SGCD: variants seen among roughly 807,000 people sequenced by gnomAD.
The protein encoded by SGCD is sarcoglycan delta, also known as delta-sarcoglycan.
In SGCD, 18 loss-of-function variants were observed where a neutral mutation model predicts 36.6. The observed-to-expected ratio is 0.49, with a 90% CI of 0.34 to 0.73. The LOEUF (loss-of-function observed/expected upper bound fraction) is 0.73, where lower values mean the gene tolerates loss of function less well. Ranked by LOEUF, SGCD falls within the 30% of genes least tolerant of loss-of-function variation. SGCD has a pLI of 0.01. For missense variants in SGCD, 387 were observed against 346.7 expected (o/e 1.12, Z -0.92); for synonymous variants, 133 against 130.6 (o/e 1.02, Z -0.12).
Position 156,154,536 on chromosome 5 carries a change from C to T in SGCD, c.-44+30517C>T, listed in dbSNP as rs562686387. 2.6e-5 allele frequency among the ~76,000 whole-genome samples: 4 copies of T among 151,818 alleles called. No individual in the cohort carries two copies. The South Asian group carries it at 8.3e-4, about 31-fold the overall frequency. On this transcript the variant is annotated intron_variant, in intron 3 of 9. Transcript: ENST00000517913. Reference sequence around the variant, plus strand: ...CCCTTACCAGCTTTTTGTCATGATGCATTTTATCAATCAGTAATAGCAATG... The same window carrying T: ...CCCTTACCAGCTTTTTGTCATGATGTATTTTATCAATCAGTAATAGCAATG...
chr5:156,261,121 T>C (rs1030512213), intron 3 of SGCD, among the ~76,000 whole-genome samples: 1 of 152,184 alleles, frequency 6.6e-6, no homozygotes, highest in Non-Finnish European at 1.5e-5. Context: ...TTTTCTTTAA[T>C]CTTTTGTAGT....
chr5:156,245,222 T>C (rs1765411655), intron 3 of SGCD, among the ~76,000 whole-genome samples: 1 of 152,168 alleles, frequency 6.6e-6, no homozygotes, highest in African/African-American at 2.4e-5. Flanking sequence ...ATCTTAACAA[T>C]TGTCCTATCA....
chr5:156,574,755 T>C (rs148018569), intron 4 of SGCD, among the ~76,000 whole-genome samples: 306 of 152,332 alleles, frequency 2.0e-3, no homozygotes, highest in African/African-American at 6.9e-3. Flanking sequence ...CCAGTCTCTA[T>C]GTAGTTGTTT....
At chr5:156,402,457 C>T (rs1050031889) in intron 3 of SGCD, among the ~76,000 whole-genome samples, 1 of 152,134 alleles carries the variant, frequency 6.6e-6, no homozygotes, top group Non-Finnish European at 1.5e-5. Context: ...AGAGATGATT[C>T]AGCGCAGACT....
chr5:156,251,255 A>G lies in SGCD; in HGVS notation c.-43-78279A>G, dbSNP rs1765569903. ...TTATCAGTGACTAAAGATAATCTGGAAACATTTTGGTTGCAAAATAATTGT... is the reference window on the plus strand; with the variant it reads ...TTATCAGTGACTAAAGATAATCTGGGAACATTTTGGTTGCAAAATAATTGT... On this transcript the variant is annotated intron_variant, in intron 3 of 9. Coordinates refer to the SGCD transcript ENST00000517913. Among the ~76,000 whole-genome samples, 8 of 152,204 alleles carry G rather than the reference A, an allele frequency of 5.3e-5. No individual in the cohort carries two copies. The South Asian group carries it at 1.7e-3, about 31-fold the overall frequency.
At chr5:155,930,882 T>C (rs975967835) in intron 1 of SGCD, among the ~76,000 whole-genome samples, 1 of 152,218 alleles carries the variant, frequency 6.6e-6, no homozygotes, top group Non-Finnish European at 1.5e-5. Context: ...AAAGGTCACA[T>C]TTGAATGGGA....
At chr5:156,320,349 T>C (rs890703193) in intron 3 of SGCD, among the ~76,000 whole-genome samples, 11 of 152,214 alleles carry the variant, frequency 7.2e-5, no homozygotes, top group African/African-American at 2.4e-4. Context: ...AACTATGGAG[T>C]GCCTATCATG....
At chr5:156,709,731 G>A (rs1051275684) in intron 7 of SGCD, among the ~76,000 whole-genome samples, 6 of 152,110 alleles carry the variant, frequency 3.9e-5, no homozygotes, top group South Asian at 4.2e-4. Flanking sequence ...GGAAAGAAAC[G>A]TGGGTTTGAA....
intron 7 of SGCD, among the ~76,000 whole-genome samples, chr5:156,698,215 T>A (rs1038266875): frequency 1.3e-5 from 2 of 152,162 alleles, no homozygotes; most frequent in African/African-American, 2.4e-5. Flanking sequence ...TCAGATGGAA[T>A]GACCCACACT....
At chr5:155,907,141 C>T (rs1201253278) in intron 1 of SGCD, among the ~76,000 whole-genome samples, 2 of 151,930 alleles carry the variant, frequency 1.3e-5, no homozygotes, top group Non-Finnish European at 2.9e-5. Context: ...ACAGCAAAGC[C>T]TAGCTTACAG....
At chr5:156,723,202 C>T (rs1177531622) in intron 7 of SGCD, among the ~76,000 whole-genome samples, 2 of 152,158 alleles carry the variant, frequency 1.3e-5, no homozygotes, top group Non-Finnish European at 2.9e-5. Context: ...ACCAAGTTAT[C>T]TGAGATTGAA....
At position 156,762,853 on chromosome 5, in the gene SGCD, A is replaced by C. The variant is rs967219777; in HGVS notation, c.*3463A>C. On this transcript the variant is annotated 3_prime_UTR_variant, in exon 9 of 9. Transcript: ENST00000337851. ...TTTTGTGGTATGCATTGGATATAGC[A>C]GGAAAGAAAGCACATTTCCAAACAG... The C allele has an allele frequency of 1.3e-5, 2 of 152,260 alleles. No homozygotes were observed. Among genetic ancestry groups the C allele is most frequent in the African/African-American group, 4.8e-5 (2 of 41,460 alleles). The allele number at this position is 152,260 out of a possible 1,614,324, so 9.4% of individuals were successfully genotyped here. A position where few individuals can be genotyped will look rare whatever the true frequency, so the allele number is the denominator to read the frequency against.
chr5:156,375,281 A>G (rs184774990), intron 3 of SGCD, among the ~76,000 whole-genome samples: 5 of 152,302 alleles, frequency 3.3e-5, no homozygotes, highest in Non-Finnish European at 7.3e-5. Context: ...GTTCTCTTAC[A>G]TAAGCATAGT....
intron 3 of SGCD, among the ~76,000 whole-genome samples, chr5:156,252,283 G>A (rs545702624): frequency 6.6e-6 from 1 of 151,874 alleles, no homozygotes; most frequent in Admixed American, 6.6e-5. Context: ...CTCCATGTTG[G>A]TCAGGGTGGT....
intron 1 of SGCD, among the ~76,000 whole-genome samples, chr5:156,030,766 C>T (rs964444228): frequency 1.4e-4 from 22 of 152,024 alleles, no homozygotes; most frequent in African/African-American, 4.8e-4. Context: ...TGAGAGTGAG[C>T]AGGGTTGGGA....
intron 3 of SGCD, among the ~76,000 whole-genome samples, chr5:156,397,339 CT>C: frequency 6.6e-6 from 1 of 152,076 alleles, no homozygotes; most frequent in East Asian, 1.9e-4. Context: ...ATTGCATATT[CT>C]TTTTTGTTTT....
chr5:156,024,482 C>T lies in SGCD; in HGVS notation c.-281-93396C>T, dbSNP rs539070995. ...GTCTGGCCTCTAGTACCTCTCTTGA[C>T]CTTTTGAGTAAGCTTTCTGGATTCT... On this transcript the variant is annotated intron_variant, in intron 1 of 9. Coordinates refer to the SGCD transcript ENST00000517913. Among the ~76,000 whole-genome samples the T allele has an allele frequency of 2.0e-5, 3 of 151,958 alleles. No homozygotes were observed. The South Asian group carries it at 6.2e-4, about 32-fold the overall frequency.
chr5:156,404,553 C>T (rs1180651064), intron 3 of SGCD, among the ~76,000 whole-genome samples: 1 of 152,172 alleles, frequency 6.6e-6, no homozygotes, highest in Non-Finnish European at 1.5e-5. Context: ...TATTTCTTCC[C>T]TCCTACCTTT....
intron 1 of SGCD, among the ~76,000 whole-genome samples, chr5:155,999,090 T>C (rs1424122195): frequency 6.6e-6 from 1 of 152,178 alleles, no homozygotes; most frequent in African/African-American, 2.4e-5. Context: ...GTTAAGCAAA[T>C]GTATCGAGAT....
Sources: gnomAD v4.1 joint callset for allele counts (sites outside exome capture counted in the v4.1 genomes callset) on GRCh38, gnomAD v4.1.1 for gene constraint, MANE v1.5 for transcripts, NCBI Gene and HGNC (gene_info 2026-07-23, HGNC 2026-07-21) for gene names.